The following CAMTA1 variants were observed in gnomAD, a reference collection of about 807,000 sequenced individuals.
CAMTA1 encodes the protein calmodulin binding transcription activator 1, also known as calmodulin-binding transcription activator 1.
CAMTA1 carries 27 observed loss-of-function variants against 170.9 expected under a neutral mutation model. That is an observed-to-expected ratio of 0.16 (90% CI 0.12 to 0.22). CAMTA1 has a LOEUF of 0.22. Ranked by LOEUF, CAMTA1 falls within the 10% of genes least tolerant of loss-of-function variation. The pLI, the probability that CAMTA1 is intolerant of heterozygous loss-of-function variation, is 1.00. For missense variants in CAMTA1, 1,619 were observed against 2,217.2 expected (o/e 0.73, Z 5.42); for synonymous variants, 833 against 891.5 (o/e 0.93, Z 1.17).
At chr1:7,671,205 C>A (rs2096057698) in intron 10 of CAMTA1, among the ~76,000 whole-genome samples, 168 bp downstream of exon 10, 1 of 152,208 alleles carries the variant, frequency 6.6e-6, no homozygotes, top group African/African-American at 2.4e-5. Context: ...AACGTCACCT[C>A]CTTTGGCTCA....
chr1:7,350,278 G>A (rs1348368229), intron 5 of CAMTA1, among the ~76,000 whole-genome samples: 6 of 152,236 alleles, frequency 3.9e-5, no homozygotes, highest in Non-Finnish European at 1.5e-5. Context: ...AGAGCCCCAG[G>A]AGGGTCCCCA....
rs750078592 is a variant in CAMTA1 at position 6,847,231 on chromosome 1, C to T, written c.234+22021C>T. Among the ~76,000 whole-genome samples the T allele has an allele frequency of 1.4e-4, 21 of 152,088 alleles. No individual in the cohort carries two copies. The South Asian group carries it at 1.7e-3, about 12-fold the overall frequency. On this transcript the variant is annotated intron_variant, in intron 3 of 22. Coordinates refer to ENST00000303635, the MANE Select transcript of CAMTA1 (RefSeq NM_015215.4). Reference sequence around the variant, plus strand: ...TGTTGGTCAGGCATGTCTCGAACTCCTGGCCTCAAGTGAAGGATGGATTTT... The same window carrying T: ...TGTTGGTCAGGCATGTCTCGAACTCTTGGCCTCAAGTGAAGGATGGATTTT...
intron 3 of CAMTA1, among the ~76,000 whole-genome samples, chr1:6,910,117 C>T (rs1221866176): frequency 6.6e-6 from 1 of 152,236 alleles, no homozygotes; most frequent in Non-Finnish European, 1.5e-5. Flanking sequence ...CAGGCCAAGC[C>T]ACTTGCTGTC....
intron 18 of CAMTA1, among the ~76,000 whole-genome samples, chr1:7,747,172 C>G (rs900504606): frequency 6.6e-6 from 1 of 152,204 alleles, no homozygotes; most frequent in African/African-American, 2.4e-5. Context: ...GGTGACCCCT[C>G]TGCTGCTAGG....
chr1:7,757,347 A>G (rs1436162867), intron 22 of CAMTA1, among the ~76,000 whole-genome samples: 1 of 152,250 alleles, frequency 6.6e-6, no homozygotes, highest in Non-Finnish European at 1.5e-5. Flanking sequence ...GTTCTAATAC[A>G]ACTTTATTTA....
At chr1:6,823,662 GAGA>G (rs1646781191) in intron 2 of CAMTA1, among the ~76,000 whole-genome samples, 1 of 152,014 alleles carries the variant, frequency 6.6e-6, no homozygotes, top group Non-Finnish European at 1.5e-5. Context: ...TCTTTTCCTT[GAGA>G]AGAAGTGTGT....
chr1:7,364,365 G>A (rs528795157), intron 5 of CAMTA1, among the ~76,000 whole-genome samples: 4 of 152,140 alleles, frequency 2.6e-5, no homozygotes, highest in Non-Finnish European at 5.9e-5. Context: ...TTAGTGTCTG[G>A]TAAGAGGCTG....
At chr1:6,880,139 C>T (rs961792199) in intron 3 of CAMTA1, among the ~76,000 whole-genome samples, 1 of 151,622 alleles carries the variant, frequency 6.6e-6, no homozygotes, top group Admixed American at 6.6e-5. Flanking sequence ...TGTTGTCCAG[C>T]CTGGAGTTCA....
Position 7,172,311 on chromosome 1 carries a change from A to G in CAMTA1, c.303-77180A>G, listed in dbSNP as rs1214371228. On this transcript the variant is annotated intron_variant, in intron 4 of 22. Coordinates refer to ENST00000303635, the MANE Select transcript of CAMTA1 (RefSeq NM_015215.4). ...ATTACAGGTGCCTGCCACCACGCCC[A>G]GCTAATTTTTGTATTTTTAGTAGAG... Among the ~76,000 whole-genome samples, 4 of 152,136 alleles carry G rather than the reference A, an allele frequency of 2.6e-5. No individual in the cohort carries two copies. In the South Asian group the frequency reaches 8.3e-4, roughly 32 times the overall value.
intron 4 of CAMTA1, among the ~76,000 whole-genome samples, chr1:7,174,382 G>GA (rs1381799292): frequency 2.0e-5 from 3 of 152,184 alleles, no homozygotes; most frequent in Non-Finnish European, 2.9e-5. Flanking sequence ...AGCCACAATG[G>GA]AATTGTAATC....
chr1:7,714,908 C>T (rs1429719215), intron 11 of CAMTA1, among the ~76,000 whole-genome samples: 4 of 152,182 alleles, frequency 2.6e-5, no homozygotes, highest in Non-Finnish European at 5.9e-5. Context: ...AAGCAACTGA[C>T]GTAGTGTGAT....
intron 3 of CAMTA1, among the ~76,000 whole-genome samples, chr1:7,002,143 G>A (rs1487061188): frequency 6.6e-6 from 1 of 152,058 alleles, no homozygotes; most frequent in Non-Finnish European, 1.5e-5. Flanking sequence ...TGATCCACCT[G>A]CCTCAGCCTC....
At chr1:6,830,812 T>G (rs1649690843) in intron 3 of CAMTA1, among the ~76,000 whole-genome samples, 2 of 151,648 alleles carry the variant, frequency 1.3e-5, no homozygotes, top group Non-Finnish European at 2.9e-5. Flanking sequence ...TATTTTTTTG[T>G]TTGTTTGTTT....
chr1:7,140,381 G>C (rs1319230178), intron 4 of CAMTA1, among the ~76,000 whole-genome samples: 1 of 152,154 alleles, frequency 6.6e-6, no homozygotes, highest in African/African-American at 2.4e-5. Flanking sequence ...ATAGTGAAGA[G>C]ACTGTCTCCA....
At chr1:7,386,377 G>A (rs2087990721) in intron 5 of CAMTA1, among the ~76,000 whole-genome samples, 1 of 152,166 alleles carries the variant, frequency 6.6e-6, no homozygotes, top group Non-Finnish European at 1.5e-5. Context: ...CGGAAGACTT[G>A]GGCCCTCTGG....
chr1:7,480,429 CAGAG>C (rs915269853), intron 6 of CAMTA1, among the ~76,000 whole-genome samples: 8 of 150,838 alleles, frequency 5.3e-5, no homozygotes, highest in East Asian at 2.0e-4. Context: ...GAGAGAGAGA[CAGAG>C]AGAGATATCC....
chr1:7,346,070 G>T (rs142586945), intron 5 of CAMTA1, among the ~76,000 whole-genome samples: 1 of 152,204 alleles, frequency 6.6e-6, no homozygotes, highest in Non-Finnish European at 1.5e-5. Context: ...CTAAAGAAAG[G>T]CTGGTTGCAT....
rs145085526 is a variant in CAMTA1 at position 7,484,207 on chromosome 1, G to T, written c.510+16306G>T. ...GTGGGTGAGTACCTGGCACAGAGGGGGGCCCACCTCAGGTCCGCCTTCCCT... is the reference window on the plus strand; with the variant it reads ...GTGGGTGAGTACCTGGCACAGAGGGTGGCCCACCTCAGGTCCGCCTTCCCT... On this transcript the variant is annotated intron_variant, in intron 6 of 22. Transcript: ENST00000303635. Among the ~76,000 whole-genome samples, 220 of 152,250 alleles carry T rather than the reference G, an allele frequency of 1.4e-3. 1 individual carries two copies. The highest frequency in any genetic ancestry group is 1.9e-3 in the Non-Finnish European group (130 of 68,004).
chr1:6,935,388 G>C (rs553236267), intron 3 of CAMTA1, among the ~76,000 whole-genome samples: 119 of 150,974 alleles, frequency 7.9e-4, no homozygotes, highest in African/African-American at 2.8e-3. Context: ...GGCACCTGCA[G>C]CAAAAAAAAA....
Sources: gnomAD v4.1 joint callset for allele counts (sites outside exome capture counted in the v4.1 genomes callset) on GRCh38, gnomAD v4.1.1 for gene constraint, MANE v1.5 for transcripts, NCBI Gene and HGNC (gene_info 2026-07-23, HGNC 2026-07-21) for gene names.